FLG2: variants seen among roughly 807,000 people sequenced by gnomAD.
The protein encoded by FLG2 is filaggrin-2.
FLG2 carries 7 observed loss-of-function variants against 3.9 expected under a neutral mutation model. The observed-to-expected ratio is 1.79, with a 90% confidence interval of 1.02 to 3.36. FLG2 has a LOEUF of 3.36. Among genes scored for constraint, FLG2 ranks in the 30% most tolerant of loss-of-function variants. FLG2 has a pLI of 0.00. For missense variants in FLG2, 2,700 were observed against 2,809.4 expected (o/e 0.96, Z 0.88); for synonymous variants, 1,031 against 1,056.1 (o/e 0.98, Z 0.46).
Position 152,350,413 on chromosome 1 carries a change from G to C in FLG2, c.*197C>G, listed in dbSNP as rs1653862657. 1 of 673,598 alleles carries C rather than the reference G, an allele frequency of 1.5e-6. No individual in the cohort carries two copies. The highest frequency in any genetic ancestry group is 1.8e-5 in the African/African-American group (1 of 55,354). 41.7% of individuals were successfully genotyped at this position (673,598 alleles called of 1,614,324 possible). On this transcript the variant is annotated 3_prime_UTR_variant, in exon 3 of 3. Coordinates refer to ENST00000388718, the MANE Select transcript of FLG2 (RefSeq NM_001014342.3). ...TGTGTTATATCCAGGTTGAACATAGGTGTTGTTTGACTGTTTATGAGTTAC... is the reference window on the plus strand; with the variant it reads ...TGTGTTATATCCAGGTTGAACATAGCTGTTGTTTGACTGTTTATGAGTTAC...
Position 152,356,839 on chromosome 1 carries a change from C to T in FLG2, c.947G>A (p.Gly316Asp), listed in dbSNP as rs147213340. Residue 316 changes from glycine (G) to aspartate (D), a missense_variant, in exon 3 of 3, where the codon GGC (glycine) becomes GAC (aspartate). Coordinates refer to ENST00000388718, the MANE Select transcript of FLG2 (RefSeq NM_001014342.3). ...QGNQFSYIQS[G>D]CQSGIKGGQG... ...TCCTCCCTTAATTCCTGACTGACAG[C>T]CTGACTGAATATAGCTAAATTGATT... is the stretch of plus-strand genomic sequence containing the variant. The T allele has an allele frequency of 1.1e-5, 17 of 1,614,090 alleles. No individual in the cohort carries two copies. The African/African-American group carries it at 2.0e-4, about 19-fold the overall frequency.
rs1386797434 is a variant in FLG2 at position 152,350,890 on chromosome 1, C to A, written c.6896G>T (p.Gly2299Val). The A allele has an allele frequency of 4.3e-6, 7 of 1,613,892 alleles. No homozygotes were observed. Among genetic ancestry groups the A allele is most frequent in the Admixed American group, 1.7e-5 (1 of 59,986 alleles). The change falls in exon 3 of 3, where the codon GGA (glycine) becomes GTA (valine). Residue 2299 changes from glycine (G) to valine (V), a missense_variant. Gly to Val is a moderately radical substitution (Grantham distance 109). Coordinates refer to ENST00000388718, the MANE Select transcript of FLG2 (RefSeq NM_001014342.3). Reference sequence around the variant, plus strand: ...ATGTCTAGTGGTATCTCCTGTCTGTCCATGAGTAGTTTCCAGTCTCCCATG... The same window carrying A: ...ATGTCTAGTGGTATCTCCTGTCTGTACATGAGTAGTTTCCAGTCTCCCATG... ...TVHGRLETTHGQTGDTTRHGH... is the reference protein window; with the variant it reads ...TVHGRLETTHVQTGDTTRHGH...
At position 152,353,863 on chromosome 1, in the gene FLG2, C is replaced by T. The variant is rs201967124; in HGVS notation, c.3923G>A (p.Arg1308His). The T allele has an allele frequency of 8.7e-5, 141 of 1,613,512 alleles. No individual in the cohort carries two copies. Among genetic ancestry groups the T allele is most frequent in the African/African-American group, 5.1e-4 (38 of 74,722 alleles). ...TCCATGAGTAGTTCCTTGTCTTCTG[C>T]GAACTGTGGATCCTGACTTTGGGTA... ...SHYPKSGSTV[R>H]RRQGTTHGQR... Residue 1308 changes from arginine to histidine, a missense_variant, in exon 3 of 3, where the codon CGC becomes CAC. Coordinates refer to ENST00000388718, the MANE Select transcript of FLG2 (RefSeq NM_001014342.3).
rs141627071 is a variant in FLG2, at chr1:152,359,753, T to C, written c.-23+203A>G. On this transcript the variant is annotated intron_variant, in intron 1 of 2. Coordinates refer to ENST00000388718, the MANE Select transcript of FLG2 (RefSeq NM_001014342.3). ...CTTGCATTATTCTTCTCCATAAAAA[T>C]GAACTTAACTACAAAAAGGCCCCAG... Among the ~76,000 whole-genome samples, 113 of 151,512 alleles carry C rather than the reference T, an allele frequency of 7.5e-4. 1 individual carries two copies. The highest frequency in any genetic ancestry group is 2.7e-3 in the African/African-American group (112 of 41,308).
intron 2 of FLG2, 141 bp downstream of exon 2, chr1:152,358,604 CAG>C: frequency 2.8e-6 from 2 of 726,276 alleles, no homozygotes; most frequent in Non-Finnish European, 4.3e-6. Context: ...GCTGCTTTAA[CAG>C]ACTTTCTGGC....
Position 152,357,543 on chromosome 1 carries a change from C to A in FLG2, c.243G>T (p.Leu81=), listed in dbSNP as rs749203353. ...FTEFLLMIFK[L]TMACNKVLSK... The stretch of plus-strand genomic sequence containing the variant: ...TGAGGACCTTGTTGCAGGCCATAGT[C>A]AGCTTGAATATCATCAAAAGAAACT... The change falls in exon 3 of 3, where the codon CTG becomes CTT. Residue 81 remains leucine, a synonymous_variant. Coordinates refer to ENST00000388718, the MANE Select transcript of FLG2 (RefSeq NM_001014342.3). The A allele has an allele frequency of 6.2e-7, 1 of 1,614,024 alleles. No homozygotes were observed. Among genetic ancestry groups the A allele is most frequent in the Non-Finnish European group, 8.5e-7 (1 of 1,180,018 alleles).
Position 152,352,757 on chromosome 1 carries a change from C to T in FLG2, c.5029G>A (p.Ala1677Thr). Residue 1677 changes from alanine to threonine, a missense_variant, in exon 3 of 3, where the codon GCT becomes ACT. Transcript: ENST00000388718. ...TCTGACTGTCCATGTTGAGATCCAG[C>T]TTGACCATGAGTGTGTCCTGTATGT... ...HTHTGHTHGQ[A>T]GSQHGQSESI... 1.2e-6 allele frequency: 2 copies of T among 1,613,778 alleles called. No homozygotes were observed. Among genetic ancestry groups the T allele is most frequent in the Non-Finnish European group, 1.7e-6 (2 of 1,179,918 alleles).
chr1:152,354,851 A>T lies in FLG2; in HGVS notation c.2935T>A (p.Ser979Thr), dbSNP rs879093874. ...GQSSGFGQHESGSGKSSGFGQ... is the reference protein window; with the variant it reads ...GQSSGFGQHETGSGKSSGFGQ... ...AAGCCAGAGGATTTTCCTGAGCCTG[A>T]CTCATGTTGTCCAAAGCCAGAGGAC... Residue 979 changes from serine (S) to threonine (T), a missense_variant, in exon 3 of 3, where the codon TCA becomes ACA. Coordinates refer to ENST00000388718, the MANE Select transcript of FLG2 (RefSeq NM_001014342.3). The T allele has an allele frequency of 6.2e-7, 1 of 1,604,328 alleles. No homozygotes were observed.
In FLG2 at chr1:152,356,703, A is replaced by G. The variant is rs550768017; in HGVS notation, c.1083T>C (p.Gly361=). The G allele has an allele frequency of 1.2e-6, 2 of 1,614,174 alleles. No homozygotes were observed. Among genetic ancestry groups the G allele is most frequent in the South Asian group, 2.2e-5 (2 of 91,074 alleles). The change falls in exon 3 of 3, where the codon GGT becomes GGC. Residue 361 remains glycine (G), a synonymous_variant. Transcript: ENST00000388718. Reference sequence around the variant, plus strand: ...ATTGTCCTCCACAGTTCTGTGGTTGACCATTTTCTCTAGCTCCATATCCTC... The same window carrying G: ...ATTGTCCTCCACAGTTCTGTGGTTGGCCATTTTCTCTAGCTCCATATCCTC... The part of the protein sequence containing the change: ...SQRGYGAREN[G]QPQNCGGQWR...
At position 152,356,818 on chromosome 1, in the gene FLG2, C is replaced by T. The variant is rs1654254018; in HGVS notation, c.968G>A (p.Gly323Glu). Residue 323 changes from glycine to glutamate, a missense_variant, in exon 3 of 3, where the codon GGA becomes GAA. By Grantham distance (98) the Gly-to-Glu change is moderately conservative. Coordinates refer to ENST00000388718, the MANE Select transcript of FLG2 (RefSeq NM_001014342.3). ...IQSGCQSGIK[G>E]GQGHGCVSGG... ...TGAGACACAGCCATGGCCTTGTCCTCCCTTAATTCCTGACTGACAGCCTGA... is the reference window on the plus strand; with the variant it reads ...TGAGACACAGCCATGGCCTTGTCCTTCCTTAATTCCTGACTGACAGCCTGA... The T allele has an allele frequency of 9.3e-6, 15 of 1,614,074 alleles. No individual in the cohort carries two copies. Among genetic ancestry groups the T allele is most frequent in the South Asian group, 2.2e-5 (2 of 91,088 alleles).
rs887853515 is a variant in FLG2 at position 152,350,494 on chromosome 1, T to C, written c.*116A>G. The C allele has an allele frequency of 6.2e-5, 81 of 1,296,682 alleles. No homozygotes were observed. Among genetic ancestry groups the C allele is most frequent in the Non-Finnish European group, 7.8e-5 (74 of 954,244 alleles). The allele number at this position is 1,296,682 out of a possible 1,614,324, so 80.3% of individuals were successfully genotyped here. A position where few individuals can be genotyped will look rare whatever the true frequency, so the allele number is the denominator to read the frequency against. On this transcript the variant is annotated 3_prime_UTR_variant, in exon 3 of 3. Transcript: ENST00000388718. ...TCTTATAATAATAGGTCGAGACTGA[T>C]ACTGAGAATCAACTGAATGTTCATA...
rs1654281996 is a variant in FLG2 at position 152,357,329 on chromosome 1, AT to A, written c.456del (p.Lys152AsnfsTer11). 6.2e-7 allele frequency: 1 copy of A among 1,613,946 alleles called. No homozygotes were observed. The highest frequency in any genetic ancestry group is 1.3e-5 in the African/African-American group (1 of 74,872). On this transcript the variant is annotated frameshift_variant, in exon 3 of 3. Coordinates refer to ENST00000388718, the MANE Select transcript of FLG2 (RefSeq NM_001014342.3). LOFTEE classifies it low-confidence loss of function (END_TRUNC). Reference protein sequence around the residue: ...YSSGHSRGTVKCRHGSNSRRL... With the variant: ...YSSGHSRGTVXCRHGSNSRRL... ...CTCCTGGAGTTGGACCCATGTCTAC[AT>A]TTCACAGTTCCCCTTGAGTGCCCAG...
At position 152,351,107 on chromosome 1, in the gene FLG2, C is replaced by T. The variant is rs1232071067; in HGVS notation, c.6679G>A (p.Gly2227Arg). The T allele has an allele frequency of 1.2e-6, 2 of 1,613,822 alleles. No homozygotes were observed. Among genetic ancestry groups the T allele is most frequent in the Non-Finnish European group, 1.7e-6 (2 of 1,180,006 alleles). Reference protein sequence around the residue: ...GRQGTTHGQTGDTTRHAHYGY... With the variant: ...GRQGTTHGQTRDTTRHAHYGY... The stretch of plus-strand genomic sequence containing the variant: ...TAGTGGGCATGTCTAGTGGTATCTC[C>T]TGTCTGTCCATGAGTAGTTCCCTGT... Residue 2227 changes from glycine to arginine, a missense_variant, in exon 3 of 3, where the codon GGA (glycine) becomes AGA (arginine). Transcript: ENST00000388718.
rs1297373443 is a variant in FLG2 at position 152,354,257 on chromosome 1, T to G, written c.3529A>C (p.Thr1177Pro). 6 of 1,613,952 alleles carry G rather than the reference T, an allele frequency of 3.7e-6. No homozygotes were observed. Among genetic ancestry groups the G allele is most frequent in the Non-Finnish European group, 5.1e-6 (6 of 1,179,900 alleles). The change falls in exon 3 of 3, where the codon ACA becomes CCA. Residue 1177 changes from threonine (T) to proline (P), a missense_variant. Coordinates refer to ENST00000388718, the MANE Select transcript of FLG2 (RefSeq NM_001014342.3). ...CCAGACACATGCTGTCCAAAACTTG[T>G]GGTTGGACCTGAGCCAGACTCATGT... is the stretch of plus-strand genomic sequence containing the variant. ...GQHESGSGPT[T>P]SFGQHVSGSD...
Position 152,355,751 on chromosome 1 carries a change from A to G in FLG2, c.2035T>C (p.Ser679Pro). Residue 679 changes from serine (S) to proline (P), a missense_variant, in exon 3 of 3, where the codon TCT (serine) becomes CCT (proline). Ser to Pro is a moderately conservative substitution (Grantham distance 74). Transcript: ENST00000388718. ...CTAGACTCATGTTGTCCAAAACCAGAGGATTGTCCTGAGCCAGAAACATGT... is the reference window on the plus strand; with the variant it reads ...CTAGACTCATGTTGTCCAAAACCAGGGGATTGTCCTGAGCCAGAAACATGT... ...GQHVSGSGQS[S>P]GFGQHESRSG... 1 of 1,613,762 alleles carries G rather than the reference A, an allele frequency of 6.2e-7. No individual in the cohort carries two copies. Among genetic ancestry groups the G allele is most frequent in the East Asian group, 2.2e-5 (1 of 44,796 alleles).
In FLG2 at chr1:152,352,171, G is replaced by A. The variant is rs765581833; in HGVS notation, c.5615C>T (p.Thr1872Ile). 3 of 1,613,824 alleles carry A rather than the reference G, an allele frequency of 1.9e-6. No homozygotes were observed. In the South Asian group the frequency reaches 3.3e-5, roughly 18 times the overall value. The change falls in exon 3 of 3, where the codon ACA becomes ATA. Residue 1872 changes from threonine (T) to isoleucine (I), a missense_variant. Thr to Ile is a moderately conservative substitution (Grantham distance 89). Coordinates refer to ENST00000388718, the MANE Select transcript of FLG2 (RefSeq NM_001014342.3). ...HGQSTQSGSS[T>I]TGRRRSGHSE... Reference sequence around the variant, plus strand: ...GTGGCCAGATCTCCTTCTTCCAGTTGTACTGGATCCTGACTGTGTGGACTG... The same window carrying A: ...GTGGCCAGATCTCCTTCTTCCAGTTATACTGGATCCTGACTGTGTGGACTG...
At position 152,356,405 on chromosome 1, in the gene FLG2, T is replaced by C. The variant is rs781146498; in HGVS notation, c.1381A>G (p.Ser461Gly). The change falls in exon 3 of 3, where the codon AGT (serine) becomes GGT (glycine). Residue 461 changes from serine to glycine, a missense_variant. Coordinates refer to ENST00000388718, the MANE Select transcript of FLG2 (RefSeq NM_001014342.3). ...TGCTGGTCATAGCCCAAGGATTGAC[T>C]TGATGTAGACTCATGCTGGCCACAA... ...QTCGQHESTS[S>G]QSLGYDQHGS... 1.0e-4 allele frequency: 169 copies of C among 1,614,048 alleles called. 2 individuals are homozygous for C. The highest frequency in any genetic ancestry group is 1.3e-5 in the Non-Finnish European group (15 of 1,180,042).
rs368758486 is a variant in FLG2 at position 152,349,536 on chromosome 1, T to C, written c.*1074A>G. On this transcript the variant is annotated 3_prime_UTR_variant, in exon 3 of 3. Coordinates refer to ENST00000388718, the MANE Select transcript of FLG2 (RefSeq NM_001014342.3). ...ACAAAAGTAATATAGTACAGAACTA[T>C]AGTTAAAATGAAAGAACAGACATAT... 19 of 152,756 alleles carry C rather than the reference T, an allele frequency of 1.2e-4. No homozygotes were observed. The highest frequency in any genetic ancestry group is 3.6e-4 in the African/African-American group (15 of 41,568). 9.5% of individuals were successfully genotyped at this position (152,756 alleles called of 1,614,324 possible).
In FLG2 at chr1:152,356,894, A is replaced by G. The variant is rs145678751; in HGVS notation, c.892T>C (p.Cys298Arg). 1.8e-3 allele frequency: 2,871 copies of G among 1,614,192 alleles called. 8 individuals are homozygous for G. The highest frequency in any genetic ancestry group is 4.6e-3 in the Middle Eastern group (28 of 6,062). ...CGRPQNASSSCQSHRFGGQGN... is the reference protein window; with the variant it reads ...CGRPQNASSSRQSHRFGGQGN... Reference sequence around the variant, plus strand: ...TGCCCTCCAAATCTATGTGACTGACAAGAACTTGAAGCATTTTGTGGCCTT... The same window carrying G: ...TGCCCTCCAAATCTATGTGACTGACGAGAACTTGAAGCATTTTGTGGCCTT... Residue 298 changes from cysteine (C) to arginine (R), a missense_variant, in exon 3 of 3, where the codon TGT becomes CGT. By Grantham distance (180) the Cys-to-Arg change is radical. Transcript: ENST00000388718.
Sources: allele counts gnomAD v4.1 joint callset (sites outside exome capture counted in the v4.1 genomes callset), GRCh38; gene constraint gnomAD v4.1.1; transcripts MANE v1.5; gene names NCBI Gene and HGNC (gene_info 2026-07-23, HGNC 2026-07-21).